ZNF566: variants seen among roughly 807,000 people sequenced by gnomAD.
The protein encoded by ZNF566 is zinc finger protein 566.
A neutral mutation model predicts 32.8 loss-of-function variants in ZNF566; 27 were observed. The ratio of observed to expected loss-of-function variants is 0.82; its 90% CI spans 0.61 to 1.14. ZNF566 has a LOEUF of 1.14. Among genes scored for constraint, ZNF566 ranks in the 50% most tolerant of loss-of-function variants. The pLI is 0.00. For missense variants in ZNF566, 402 were observed against 490.4 expected, an observed-to-expected ratio of 0.82 and a Z score of 1.70; for synonymous variants, 154 against 159.5, an observed-to-expected ratio of 0.97 and a Z score of 0.26.
At chr19:36,453,505 AAATTAATTAAT>A (rs2033220089) in intron 4 of ZNF566, among the ~76,000 whole-genome samples, 1 of 99,780 alleles carries the variant, frequency 1.0e-5, no homozygotes, top group African/African-American at 4.0e-5. Context: ...ATAAATAAAT[AAATTAATTAAT>A]TAAAATAAAA....
Position 36,445,879 on chromosome 19 carries a change from A to T in ZNF566, c.*3098T>A, listed in dbSNP as rs1345960608. ...TGGGAAGCTTATTTTATAGAAATAA[A>T]ACAGACAAGAATACAAAGTGTTTGT... is the stretch of plus-strand genomic sequence containing the variant. On this transcript the variant is annotated 3_prime_UTR_variant, in exon 5 of 5. Transcript: ENST00000452939. The T allele has an allele frequency of 1.3e-5, 2 of 152,228 alleles. No individual in the cohort carries two copies. The highest frequency in any genetic ancestry group is 4.8e-5 in the African/African-American group (2 of 41,460). 9.4% of individuals were successfully genotyped at this position (152,228 alleles called of 1,614,324 possible).
rs79028574 is a variant in ZNF566 at position 36,481,473 on chromosome 19, G to GAA, written c.-59-4859_-59-4858dup. 2.0e-3 allele frequency among the ~76,000 whole-genome samples: 226 copies of GAA among 110,706 alleles called. 1 individual carries two copies. Among genetic ancestry groups the GAA allele is most frequent in the South Asian group, 5.4e-3 (19 of 3,528 alleles). The allele number at this position is 110,706 out of a possible 152,430, so 72.6% of individuals were successfully genotyped here. On this transcript the variant is annotated intron_variant, in intron 1 of 4. Transcript: ENST00000452939. ...GCAACAGAGCAAGACACTGTCTCGG[G>GAA]AAAAAAAAAAAAAAAAAAAAAAGAA... is the stretch of plus-strand genomic sequence containing the variant.
At chr19:36,470,666 G>A (rs186556239) in intron 4 of ZNF566, among the ~76,000 whole-genome samples, 106 of 152,074 alleles carry the variant, frequency 7.0e-4, no homozygotes, top group Non-Finnish European at 1.1e-3. Context: ...ATCCCAGCAC[G>A]TTGGGAGGCC....
rs762880836 is a variant in ZNF566 at position 36,449,166 on chromosome 19, T to C, written c.1068A>G (p.Arg356=). 1.2e-6 allele frequency: 2 copies of C among 1,614,102 alleles called. No homozygotes were observed. Among genetic ancestry groups the C allele is most frequent in the South Asian group, 2.2e-5 (2 of 91,080 alleles). Residue 356 remains arginine (R), a synonymous_variant, in exon 5 of 5, where the codon AGA becomes AGG. Coordinates refer to ENST00000452939, the MANE Select transcript of ZNF566 (RefSeq NM_001145344.1). ...TCTCCCCAGTATGAATTCTCTGATG[T>C]CTAGTAAGGTCTGAGCCAGAACGAA... ...KAFRSGSDLT[R]HQRIHTGEKP... is the part of the protein sequence containing the mutation.
At chr19:36,455,725 G>A (rs1293528507) in intron 4 of ZNF566, among the ~76,000 whole-genome samples, 1 of 151,822 alleles carries the variant, frequency 6.6e-6, no homozygotes, top group African/African-American at 2.4e-5. Context: ...GGGTGACAGA[G>A]CGAGACTCTG....
In ZNF566 at chr19:36,470,802, C is replaced by T. The variant is rs188377541; in HGVS notation, c.232+2109G>A. Among the ~76,000 whole-genome samples the T allele has an allele frequency of 8.6e-5, 13 of 151,998 alleles. No individual in the cohort carries two copies. In the East Asian group the frequency reaches 1.9e-3, roughly 23 times the overall value. ...GCGGGTGCCTGTAATCCCAGCTACT[C>T]GGGAGGATGAGGCACGAGAATCGCT... is the stretch of plus-strand genomic sequence containing the variant. On this transcript the variant is annotated intron_variant, in intron 4 of 4. Coordinates refer to ENST00000452939, the MANE Select transcript of ZNF566 (RefSeq NM_001145344.1).
chr19:36,449,803 A>G lies in ZNF566; in HGVS notation c.431T>C (p.Phe144Ser). 1 of 1,614,174 alleles carries G rather than the reference A, an allele frequency of 6.2e-7. No homozygotes were observed. The highest frequency in any genetic ancestry group is 8.5e-7 in the Non-Finnish European group (1 of 1,180,022). Reference protein sequence around the residue: ...SQGGHFNQLVFTHEDLPTLSH... With the variant: ...SQGGHFNQLVSTHEDLPTLSH... ...CAAAGTGGGCAGATCTTCATGAGTG[A>G]ATACCAATTGATTGAAATGTCCCCC... is the stretch of plus-strand genomic sequence containing the variant. Residue 144 changes from phenylalanine to serine, a missense_variant, in exon 5 of 5, where the codon TTC (phenylalanine) becomes TCC (serine). Physicochemically the swap from Phe to Ser is radical, Grantham distance 155 (BLOSUM62 -2). This residue lies in a region of ZNF566 where 220 missense variants were observed against 241.9 expected (regional missense o/e 0.91). Transcript: ENST00000452939.
chr19:36,464,338 T>A (rs1405495335), intron 4 of ZNF566, among the ~76,000 whole-genome samples: 2 of 151,920 alleles, frequency 1.3e-5, no homozygotes, highest in African/African-American at 4.8e-5. Flanking sequence ...ATTTTTTTTT[T>A]AAGAGACGGT....
At chr19:36,466,397 A>G (rs1209646773) in intron 4 of ZNF566, among the ~76,000 whole-genome samples, 1 of 152,198 alleles carries the variant, frequency 6.6e-6, no homozygotes, top group Non-Finnish European at 1.5e-5. Flanking sequence ...TGGCACAGTA[A>G]GTTGGTTTCA....
chr19:36,485,353 A>C (rs1328056366), intron 1 of ZNF566, among the ~76,000 whole-genome samples: 1 of 150,768 alleles, frequency 6.6e-6, no homozygotes, highest in Admixed American at 6.6e-5. Flanking sequence ...AGGTGGAAGA[A>C]TTGCTTGAGC....
intron 1 of ZNF566, among the ~76,000 whole-genome samples, chr19:36,476,910 A>G (rs1267374865): frequency 6.6e-6 from 1 of 152,108 alleles, no homozygotes; most frequent in Non-Finnish European, 1.5e-5. Flanking sequence ...TGCTATTTTT[A>G]CTTTACATAT....
chr19:36,462,507 G>A (rs538756821), intron 4 of ZNF566, among the ~76,000 whole-genome samples: 12 of 151,902 alleles, frequency 7.9e-5, no homozygotes, highest in South Asian at 2.1e-4. Context: ...TTCACTCCAC[G>A]GCAACTCTAA....
chr19:36,476,893 T>A (rs1157853252), intron 1 of ZNF566, among the ~76,000 whole-genome samples: 1 of 152,214 alleles, frequency 6.6e-6, no homozygotes, highest in Non-Finnish European at 1.5e-5. Context: ...ACACTACTTA[T>A]ACACGTTGCT....
chr19:36,484,849 A>G (rs2034120257), intron 1 of ZNF566, among the ~76,000 whole-genome samples: 2 of 152,046 alleles, frequency 1.3e-5, no homozygotes, highest in African/African-American at 4.8e-5. Flanking sequence ...TCGGCCTCCC[A>G]AAGTGTTGGG....
chr19:36,450,085 G>C (rs971336257), intron 4 of ZNF566, 84 bp from the exon 5 acceptor site: 4 of 1,168,954 alleles, frequency 3.4e-6, no homozygotes, highest in Non-Finnish European at 4.8e-6. Context: ...GAATTTAACC[G>C]AATTTTTTTT....
At chr19:36,487,461 A>G (rs898795687) in intron 1 of ZNF566, among the ~76,000 whole-genome samples, 7 of 152,198 alleles carry the variant, frequency 4.6e-5, no homozygotes, top group Non-Finnish European at 8.8e-5. Flanking sequence ...AATGTAATCG[A>G]CTAATATACT....
In ZNF566 at chr19:36,448,390, T is replaced by A. The variant is rs1323107970; in HGVS notation, c.*587A>T. On this transcript the variant is annotated 3_prime_UTR_variant, in exon 5 of 5. Transcript: ENST00000452939. ...ACACAACAAAACACCATGAAGATAATGAAGAATCTCTATTGAGTAAAATGT... is the reference window on the plus strand; with the variant it reads ...ACACAACAAAACACCATGAAGATAAAGAAGAATCTCTATTGAGTAAAATGT... The A allele has an allele frequency of 3.3e-5, 5 of 152,082 alleles. No homozygotes were observed. The highest frequency in any genetic ancestry group is 1.2e-4 in the African/African-American group (5 of 41,416). 9.4% of individuals were successfully genotyped at this position (152,082 alleles called of 1,614,324 possible).
At chr19:36,467,451 A>T (rs2033644791) in intron 4 of ZNF566, among the ~76,000 whole-genome samples, 1 of 150,104 alleles carries the variant, frequency 6.7e-6, no homozygotes. Context: ...AAAAAAAAAA[A>T]AAGAATTTCA....
At chr19:36,453,561 C>T (rs1600138806) in intron 4 of ZNF566, among the ~76,000 whole-genome samples, 1 of 150,052 alleles carries the variant, frequency 6.7e-6, no homozygotes, top group East Asian at 1.9e-4. Context: ...CAATCATTTG[C>T]TAATAGATAC....
Sources: allele counts gnomAD v4.1 joint callset (sites outside exome capture counted in the v4.1 genomes callset), GRCh38; gene constraint gnomAD v4.1.1; regional missense constraint gnomAD v4.1.1; transcripts MANE v1.5; gene names NCBI Gene and HGNC (gene_info 2026-07-23, HGNC 2026-07-21).